The following TUBA1C variants were observed in gnomAD, a reference collection of about 807,000 sequenced individuals.
TUBA1C encodes tubulin alpha-1C chain.
TUBA1C carries 16 observed loss-of-function variants against 34.9 expected under a neutral mutation model. That is an observed-to-expected ratio of 0.46 (90% CI 0.31 to 0.70). The LOEUF is 0.70. TUBA1C is among the 30% of genes least tolerant of loss of function. The pLI is 0.05. For missense variants in TUBA1C, 329 were observed against 587.3 expected, an observed-to-expected ratio of 0.56 and a Z score of 4.55; for synonymous variants, 177 against 215.9, an observed-to-expected ratio of 0.82 and a Z score of 1.58.
intron 3 of TUBA1C, among the ~76,000 whole-genome samples, chr12:49,270,986 C>A (rs1464535198): frequency 2.8e-5 from 4 of 144,728 alleles, no homozygotes; most frequent in Admixed American, 2.7e-4. Context: ...CTCAAAAAAA[C>A]AAACAAACAA....
intron 1 of TUBA1C, among the ~76,000 whole-genome samples, chr12:49,237,699 G>A (rs953106932): frequency 2.0e-5 from 3 of 150,014 alleles, no homozygotes; most frequent in African/African-American, 7.4e-5. Flanking sequence ...GAGTATGATC[G>A]CGCCACTGCA....
chr12:49,261,199 C>T (rs569045622), upstream of TUBA1C, among the ~76,000 whole-genome samples: 1 of 151,670 alleles, frequency 6.6e-6, no homozygotes, highest in African/African-American at 2.4e-5. Context: ...CATTGCACTC[C>T]AGCCTGGGCA....
intron 1 of TUBA1C, among the ~76,000 whole-genome samples, chr12:49,250,460 C>T (rs1942722016): frequency 7.0e-6 from 1 of 142,952 alleles, no homozygotes; most frequent in Non-Finnish European, 1.5e-5. Context: ...GGAGGCGGAG[C>T]TTGCAGTGAG....
intron 1 of TUBA1C, among the ~76,000 whole-genome samples, chr12:49,245,967 C>T (rs752722629): frequency 8.5e-5 from 13 of 152,158 alleles, no homozygotes; most frequent in African/African-American, 1.9e-4. Flanking sequence ...TGCAGTGGCA[C>T]GATCTCGGCT....
chr12:49,227,934 A>G, exon 1 of TUBA1C: 2 of 1,535,058 alleles, frequency 1.3e-6, no homozygotes, highest in Non-Finnish European at 8.7e-7. Flanking sequence ...GAAAGTGAAC[A>G]ATGGGCGCCC....
At position 49,255,191 on chromosome 12, in the gene TUBA1C, A is replaced by G. The variant is rs73112117; in HGVS notation, c.214-14274A>G. On this transcript the variant is annotated intron_variant, in intron 1 of 3. Coordinates refer to the TUBA1C transcript ENST00000541364. Reference sequence around the variant, plus strand: ...CAAGGTTACTCTATTTAATCACACTATAAGCCAGAATTCCTAGTAATTATA... The same window carrying G: ...CAAGGTTACTCTATTTAATCACACTGTAAGCCAGAATTCCTAGTAATTATA... Among the ~76,000 whole-genome samples the G allele has an allele frequency of 6.0e-3, 919 of 152,120 alleles. 20 individuals are homozygous for G. The highest frequency in any genetic ancestry group is 4.8e-3 in the Non-Finnish European group (326 of 68,004).
upstream of TUBA1C, among the ~76,000 whole-genome samples, chr12:49,264,468 G>T (rs570247392): frequency 3.5e-4 from 53 of 152,222 alleles, no homozygotes; most frequent in African/African-American, 1.3e-3. Flanking sequence ...CCTCAGCGGC[G>T]AGGGGAGCGG....
intron 1 of TUBA1C, among the ~76,000 whole-genome samples, chr12:49,268,964 A>T (rs1942952127): frequency 6.6e-6 from 1 of 152,226 alleles, no homozygotes; most frequent in African/African-American, 2.4e-5. Context: ...GTTCATGAAC[A>T]CATCTTTGGT....
intron 1 of TUBA1C, among the ~76,000 whole-genome samples, chr12:49,253,382 G>A (rs992927807): frequency 2.6e-5 from 4 of 152,148 alleles, no homozygotes; most frequent in Non-Finnish European, 5.9e-5. Context: ...GCGGAATAGA[G>A]GACAGTGCAC....
intron 1 of TUBA1C, among the ~76,000 whole-genome samples, chr12:49,268,186 G>T (rs1672305499): frequency 6.6e-6 from 1 of 152,046 alleles, no homozygotes; most frequent in Non-Finnish European, 1.5e-5. Flanking sequence ...GCCACCTCCT[G>T]GGTTTGGGTT....
At chr12:49,257,992 G>T in intron 1 of TUBA1C, 1 of 161,902 alleles carries the variant, frequency 6.2e-6, no homozygotes, top group South Asian at 1.1e-4. Flanking sequence ...CCAAGTAGCT[G>T]AGATTACAGG....
At chr12:49,237,103 T>C (rs1942563177) in intron 1 of TUBA1C, among the ~76,000 whole-genome samples, 1 of 152,054 alleles carries the variant, frequency 6.6e-6, no homozygotes, top group Admixed American at 6.6e-5. Context: ...CTCAGACAAC[T>C]AACAAAACGA....
intron 3 of TUBA1C, among the ~76,000 whole-genome samples, chr12:49,270,803 A>ACC (rs557442021): frequency 6.6e-6 from 1 of 151,980 alleles, no homozygotes; most frequent in Non-Finnish European, 1.5e-5. Flanking sequence ...ACATGGTGAA[A>ACC]CCCTCTCTAC....
chr12:49,273,383 G>A lies in TUBA1C; in HGVS notation c.*156G>A. The A allele has an allele frequency of 7.1e-7, 1 of 1,401,950 alleles. No homozygotes were observed. Among genetic ancestry groups the A allele is most frequent in the East Asian group, 2.5e-5 (1 of 40,814 alleles). 86.8% of individuals were successfully genotyped at this position (1,401,950 alleles called of 1,614,324 possible). Reference sequence around the variant, plus strand: ...ATCCAGTTAAAGTTGGATGTATGAGGCTGGTAGATGAAACCACCTGAGTCG... The same window carrying A: ...ATCCAGTTAAAGTTGGATGTATGAGACTGGTAGATGAAACCACCTGAGTCG... On this transcript the variant is annotated 3_prime_UTR_variant, in exon 4 of 4. Transcript: ENST00000301072.
At chr12:49,245,665 G>A (rs1056964640) in intron 1 of TUBA1C, among the ~76,000 whole-genome samples, 3 of 152,108 alleles carry the variant, frequency 2.0e-5, no homozygotes, top group East Asian at 1.9e-4. Flanking sequence ...TCTTGCCTGG[G>A]GACACTCCCA....
At chr12:49,270,188 G>A (rs1592288330) in intron 3 of TUBA1C, 1 of 1,050,556 alleles carries the variant, frequency 9.5e-7, no homozygotes, top group Non-Finnish European at 1.4e-6. Flanking sequence ...AGCCTATTTT[G>A]CTTCAAGCTG....
chr12:49,228,199 C>T, intron 1 of TUBA1C: 1 of 1,528,714 alleles, frequency 6.5e-7, no homozygotes, highest in South Asian at 1.2e-5. Context: ...ATGTAAATAG[C>T]TTCATCATGC....
At position 49,271,371 on chromosome 12, in the gene TUBA1C, G is replaced by T. The variant is rs1423845395; in HGVS notation, c.376-882G>T. ...TTTGCTAACCAAAATAGCCCAGTTA[G>T]GTGGAGGAAATCCCCAACAACCTGA... On this transcript the variant is annotated intron_variant, in intron 3 of 3. Coordinates refer to ENST00000301072, the MANE Select transcript of TUBA1C (RefSeq NM_032704.5). 2.0e-5 allele frequency among the ~76,000 whole-genome samples: 3 copies of T among 152,176 alleles called. No homozygotes were observed. In the East Asian group the frequency reaches 5.8e-4, roughly 29 times the overall value.
At position 49,272,347 on chromosome 12, in the gene TUBA1C, T is replaced by C; in HGVS notation, c.470T>C (p.Leu157Pro). ...SGFTSLLMER[L>P]SVDYGKKSKL... is the part of the protein sequence containing the mutation. ...TTCACCTCGCTGCTCATGGAACGTC[T>C]CTCAGTTGATTATGGCAAGAAGTCC... Residue 157 changes from leucine (L) to proline (P), a missense_variant, in exon 4 of 4, where the codon CTC becomes CCC. Around this residue, in one of 4 missense-constraint regions of TUBA1C, gnomAD observed 152 missense variants for 240.3 expected, o/e 0.63. Transcript: ENST00000301072. The C allele has an allele frequency of 6.2e-7, 1 of 1,614,100 alleles. No individual in the cohort carries two copies. The highest frequency in any genetic ancestry group is 8.5e-7 in the Non-Finnish European group (1 of 1,180,022).
Sources: gnomAD v4.1 joint callset for allele counts (sites outside exome capture counted in the v4.1 genomes callset) on GRCh38, gnomAD v4.1.1 for gene constraint, gnomAD v4.1.1 regional missense constraint, MANE v1.5 for transcripts, NCBI Gene and HGNC (gene_info 2026-07-23, HGNC 2026-07-21) for gene names.